NRG4: variants seen among roughly 807,000 people sequenced by gnomAD.
NRG4 encodes the protein neuregulin 4.
A neutral mutation model predicts 15.0 loss-of-function variants in NRG4; 10 were observed. That is an observed-to-expected ratio of 0.67 (90% CI 0.41 to 1.13). The LOEUF (loss-of-function observed/expected upper bound fraction) is 1.13. Among genes scored for constraint, NRG4 ranks in the 50% most tolerant of loss-of-function variants. NRG4 has a pLI of 0.00. For synonymous variants in NRG4, 41 were observed against 50.1 expected, an observed-to-expected ratio of 0.82 and a Z score of 0.77; for missense variants, 139 against 140.2, an observed-to-expected ratio of 0.99 and a Z score of 0.04.
At chr15:76,013,252 G>C (rs553423933), upstream of NRG4, among the ~76,000 whole-genome samples, 1 of 152,014 alleles carries the variant, frequency 6.6e-6, no homozygotes, top group South Asian at 2.1e-4. Flanking sequence ...GTGTGAACCC[G>C]GGAGGCGGAG....
At chr15:75,976,080 C>T (rs192756945) in intron 3 of NRG4, among the ~76,000 whole-genome samples, 1 of 152,164 alleles carries the variant, frequency 6.6e-6, no homozygotes, top group African/African-American at 2.4e-5. Context: ...TTTATTTCAT[C>T]AATTGATCTT....
At chr15:75,970,007 A>T (rs75954441) in intron 3 of NRG4, among the ~76,000 whole-genome samples, 60 of 152,340 alleles carry the variant, frequency 3.9e-4, no homozygotes, top group African/African-American at 1.2e-3. Flanking sequence ...TTAATATTGC[A>T]GAGGCATTCT....
At chr15:76,019,147 T>TA (rs899317008) in intron 5 of NRG4, among the ~76,000 whole-genome samples, 8 of 152,236 alleles carry the variant, frequency 5.3e-5, no homozygotes, top group Non-Finnish European at 1.0e-4. Context: ...GAAAAACACC[T>TA]ACTCAAGCCT....
intron 3 of NRG4, among the ~76,000 whole-genome samples, chr15:75,988,680 T>C (rs2033891971): frequency 6.6e-6 from 1 of 152,092 alleles, no homozygotes; most frequent in Non-Finnish European, 1.5e-5. Context: ...AAATGGATGA[T>C]GCCAAGGAAC....
At chr15:75,984,787 A>T (rs1000234343) in intron 3 of NRG4, among the ~76,000 whole-genome samples, 4 of 152,008 alleles carry the variant, frequency 2.6e-5, no homozygotes, top group African/African-American at 4.8e-5. Flanking sequence ...AAAGTATAAT[A>T]AAAAAAATTG....
At chr15:75,948,118 C>A (rs764552443) in intron 5 of NRG4, among the ~76,000 whole-genome samples, 121 of 152,196 alleles carry the variant, frequency 8.0e-4, no homozygotes, top group Non-Finnish European at 1.2e-3. Flanking sequence ...TGCCTTTTCA[C>A]TCTGCTGATA....
rs556825550 is a variant in NRG4 at position 76,027,108 on chromosome 15, G to A, written c.-57+8836C>T. Among the ~76,000 whole-genome samples the A allele has an allele frequency of 1.4e-4, 22 of 151,986 alleles. No homozygotes were observed. The South Asian group carries it at 1.5e-3, about 10-fold the overall frequency. On this transcript the variant is annotated intron_variant, in intron 5 of 8. Transcript: ENST00000563910. Reference sequence around the variant, plus strand: ...TGTACTCCAGCCTGAGGGACAGAGCGGGACTCCATCTCAAAAATAAAATAA... The same window carrying A: ...TGTACTCCAGCCTGAGGGACAGAGCAGGACTCCATCTCAAAAATAAAATAA...
At chr15:76,032,473 C>G (rs2035497818) in intron 5 of NRG4, among the ~76,000 whole-genome samples, 1 of 152,100 alleles carries the variant, frequency 6.6e-6, no homozygotes, top group African/African-American at 2.4e-5. Flanking sequence ...TTAGCATAAA[C>G]AAAATGAAAA....
chr15:76,035,533 A>G (rs1205543102), intron 5 of NRG4, among the ~76,000 whole-genome samples: 2 of 152,168 alleles, frequency 1.3e-5, no homozygotes, highest in African/African-American at 2.4e-5. Context: ...TAAGAAATCA[A>G]ACTCTATTTG....
intron 3 of NRG4, among the ~76,000 whole-genome samples, chr15:76,000,608 A>C (rs1344511550): frequency 6.6e-6 from 1 of 152,240 alleles, no homozygotes; most frequent in African/African-American, 2.4e-5. Flanking sequence ...ATTTGGCAAC[A>C]TATATTGAAG....
intron 4 of NRG4, among the ~76,000 whole-genome samples, chr15:76,041,734 G>T (rs1356186430): frequency 6.6e-6 from 1 of 152,064 alleles, no homozygotes; most frequent in African/African-American, 2.4e-5. Flanking sequence ...ATAAGAGCTG[G>T]AGATTCAACA....
At chr15:75,947,743 A>G (rs1272537848) in intron 5 of NRG4, among the ~76,000 whole-genome samples, 1 of 152,128 alleles carries the variant, frequency 6.6e-6, no homozygotes, top group Non-Finnish European at 1.5e-5. Flanking sequence ...TGGTCGCACA[A>G]TTTTACATTC....
At position 76,009,234 on chromosome 15, in the gene NRG4, A is replaced by T; in HGVS notation, c.70T>A (p.Tyr24Asn). ...GGGCTGGGAATAGTAGGTATCACAT[A>T]ACAAAGCCCCCCATTCAGGCAAAAC... ...KSFCLNGGLC[Y>N]VIPTIPSPFC... Residue 24 changes from tyrosine to asparagine, a missense_variant, in exon 3 of 6, where the codon TAT (tyrosine) becomes AAT (asparagine). Transcript: ENST00000394907. 6.2e-7 allele frequency: 1 copy of T among 1,603,866 alleles called. No individual in the cohort carries two copies. The highest frequency in any genetic ancestry group is 1.7e-4 in the Middle Eastern group (1 of 6,042).
intron 3 of NRG4, among the ~76,000 whole-genome samples, chr15:76,008,856 A>G (rs2034703864): frequency 6.6e-6 from 1 of 152,184 alleles, no homozygotes; most frequent in African/African-American, 2.4e-5. Context: ...TTTTTTGATT[A>G]GCAAATTCCC....
At chr15:75,935,854 C>T (rs2030287430), downstream of NRG4, 1 of 152,058 alleles carries the variant, frequency 6.6e-6, no homozygotes. Flanking sequence ...ATGGCACAAT[C>T]TTGGCTCACT....
At chr15:76,025,169 G>T (rs1190012594) in intron 5 of NRG4, among the ~76,000 whole-genome samples, 1 of 152,204 alleles carries the variant, frequency 6.6e-6, no homozygotes, top group Non-Finnish European at 1.5e-5. Context: ...GCTGGGCGTG[G>T]TGGCTCACAC....
chr15:76,029,839 C>A (rs1567119459), intron 5 of NRG4, among the ~76,000 whole-genome samples: 1 of 152,136 alleles, frequency 6.6e-6, no homozygotes, highest in Non-Finnish European at 1.5e-5. Context: ...TTAAAATAAT[C>A]ATACTACCCA....
intron 3 of NRG4, among the ~76,000 whole-genome samples, chr15:75,995,103 G>A (rs1431912284): frequency 1.3e-5 from 2 of 151,934 alleles, no homozygotes; most frequent in Non-Finnish European, 2.9e-5. Flanking sequence ...TGGGAGGATT[G>A]CTTGAACCAG....
intron 3 of NRG4, among the ~76,000 whole-genome samples, chr15:75,987,776 G>C (rs547588637): frequency 1.3e-4 from 20 of 152,180 alleles, no homozygotes; most frequent in Admixed American, 9.8e-4. Flanking sequence ...TCTAAGACCT[G>C]TTGCCAGCAA....
Sources: gnomAD v4.1 joint callset for allele counts (sites outside exome capture counted in the v4.1 genomes callset) on GRCh38, gnomAD v4.1.1 for gene constraint, MANE v1.5 for transcripts, NCBI Gene and HGNC (gene_info 2026-07-23, HGNC 2026-07-21) for gene names.